The following DNAJC1 variants were observed in gnomAD, a reference collection of about 807,000 sequenced individuals.
DNAJC1 encodes the protein DnaJ heat shock protein family (Hsp40) member C1, also known as dnaJ homolog subfamily C member 1.
DNAJC1 carries 58 observed loss-of-function variants against 76.6 expected under a neutral mutation model. That is an observed-to-expected ratio of 0.76 (90% confidence interval 0.61 to 0.94). The LOEUF is 0.94. Ranked by LOEUF, DNAJC1 falls within the 40% of genes least tolerant of loss-of-function variation. The pLI is 0.00. For missense variants in DNAJC1, 689 were observed against 677.3 expected (o/e 1.02, Z -0.19); for synonymous variants, 258 against 267.9 (o/e 0.96, Z 0.36).
intron 1 of DNAJC1, among the ~76,000 whole-genome samples, chr10:21,943,731 C>G (rs1462019728): frequency 6.6e-6 from 1 of 152,112 alleles, no homozygotes; most frequent in African/African-American, 2.4e-5. Context: ...GAAAGTCAAC[C>G]CAGAGCATAG....
intron 1 of DNAJC1, among the ~76,000 whole-genome samples, chr10:21,980,995 T>C (rs575716223): frequency 2.0e-5 from 3 of 152,208 alleles, no homozygotes; most frequent in South Asian, 2.1e-4. Context: ...TTATAATACA[T>C]TGATGGAGAT....
chr10:21,905,844 C>T (rs972964485), intron 6 of DNAJC1, among the ~76,000 whole-genome samples: 1 of 152,068 alleles, frequency 6.6e-6, no homozygotes, highest in Non-Finnish European at 1.5e-5. Context: ...TCAAGAATAA[C>T]TCTAGGGTAA....
intron 1 of DNAJC1, among the ~76,000 whole-genome samples, chr10:21,977,771 A>G (rs1256207331): frequency 6.6e-6 from 1 of 152,182 alleles, no homozygotes; most frequent in African/African-American, 2.4e-5. Context: ...ATATTATTTT[A>G]AATCCCCACT....
chr10:21,942,231 T>C (rs949459296), intron 1 of DNAJC1, among the ~76,000 whole-genome samples: 1 of 152,066 alleles, frequency 6.6e-6, no homozygotes, highest in Admixed American at 6.5e-5. Flanking sequence ...AAGCAAGTAA[T>C]AGGACAAAGA....
chr10:21,904,400 G>A (rs1398915678), intron 7 of DNAJC1, 122 bp downstream of exon 7: 1 of 565,210 alleles, frequency 1.8e-6, no homozygotes, highest in Non-Finnish European at 2.9e-6. Flanking sequence ...ACTCCACTAG[G>A]GAGTGGGAAA....
chr10:21,803,095 AAT>A (rs1238094282), intron 9 of DNAJC1, among the ~76,000 whole-genome samples: 1 of 152,150 alleles, frequency 6.6e-6, no homozygotes, highest in Non-Finnish European at 1.5e-5. Flanking sequence ...TATGACAATT[AAT>A]ATACTTAATT....
chr10:21,911,771 G>T (rs1836868017), intron 6 of DNAJC1, among the ~76,000 whole-genome samples: 1 of 152,152 alleles, frequency 6.6e-6, no homozygotes, highest in Non-Finnish European at 1.5e-5. Context: ...TATGCATTCA[G>T]TAGAAACCAT....
Position 21,973,483 on chromosome 10 carries a change from T to C in DNAJC1, c.222+29730A>G, listed in dbSNP as rs550738602. Among the ~76,000 whole-genome samples the C allele has an allele frequency of 2.0e-5, 3 of 152,318 alleles. No homozygotes were observed. The East Asian group carries it at 5.8e-4, about 29-fold the overall frequency. The stretch of plus-strand genomic sequence containing the variant: ...GTGATCCTAGCAAAGGGATAAATAT[T>C]TCCTAGCACTTGGCTAGAACCCATC... On this transcript the variant is annotated intron_variant, in intron 1 of 11. Transcript: ENST00000376980.
At chr10:21,759,643 G>C in intron 10 of DNAJC1, 25 bp from the exon 11 acceptor site, 10 of 1,600,966 alleles carry the variant, frequency 6.2e-6, no homozygotes, top group South Asian at 5.6e-5. Context: ...GTGCCACACA[G>C]AGGTGAAGGG....
chr10:21,970,368 AT>A (rs908760468), intron 1 of DNAJC1, among the ~76,000 whole-genome samples: 1 of 152,224 alleles, frequency 6.6e-6, no homozygotes, highest in African/African-American at 2.4e-5. Context: ...AACAACAAAG[AT>A]TCCACATTTC....
intron 9 of DNAJC1, among the ~76,000 whole-genome samples, chr10:21,787,630 C>T (rs984012866): frequency 6.6e-6 from 1 of 152,218 alleles, no homozygotes; most frequent in African/African-American, 2.4e-5. Context: ...ATAGCCACAT[C>T]ATGAAAAGAA....
At chr10:21,864,615 C>CT (rs1835967343) in intron 8 of DNAJC1, among the ~76,000 whole-genome samples, 1 of 97,804 alleles carries the variant, frequency 1.0e-5, no homozygotes, top group Non-Finnish European at 2.0e-5. Flanking sequence ...GAGTGAGACT[C>CT]TGTCTAAAAA....
intron 6 of DNAJC1, among the ~76,000 whole-genome samples, chr10:21,913,516 T>A (rs1385893527): frequency 3.3e-5 from 5 of 152,094 alleles, no homozygotes; most frequent in Non-Finnish European, 7.4e-5. Flanking sequence ...GTTGCGAAAA[T>A]AAACTAAGTT....
chr10:21,852,400 G>A (rs1835770949), intron 8 of DNAJC1, among the ~76,000 whole-genome samples: 1 of 152,276 alleles, frequency 6.6e-6, no homozygotes, highest in African/African-American at 2.4e-5. Context: ...GACAGAGGTG[G>A]TGGTTGGACA....
At chr10:21,845,575 G>A (rs113114801) in intron 8 of DNAJC1, among the ~76,000 whole-genome samples, 2,515 of 152,100 alleles carry the variant, frequency 0.017, 66 homozygotes, top group African/African-American at 0.057. Context: ...GGCTGGTCTC[G>A]AAATCTTGAC....
intron 8 of DNAJC1, among the ~76,000 whole-genome samples, chr10:21,870,465 A>G (rs1423720926): frequency 6.6e-6 from 1 of 152,112 alleles, no homozygotes; most frequent in East Asian, 1.9e-4. Flanking sequence ...CATCATGAGT[A>G]AGATACACTC....
intron 7 of DNAJC1, among the ~76,000 whole-genome samples, chr10:21,890,377 C>T (rs1836442206): frequency 1.3e-5 from 2 of 148,532 alleles, no homozygotes; most frequent in South Asian, 4.2e-4. Flanking sequence ...CACGCCACTG[C>T]ACTCCAGCCT....
At chr10:21,878,126 G>A (rs982673748) in intron 8 of DNAJC1, among the ~76,000 whole-genome samples, 2 of 152,060 alleles carry the variant, frequency 1.3e-5, no homozygotes, top group Non-Finnish European at 2.9e-5. Flanking sequence ...TCTGGTTCTC[G>A]AGAACACTCC....
At position 21,993,043 on chromosome 10, in the gene DNAJC1, G is replaced by C. The variant is rs143052586; in HGVS notation, c.222+10170C>G. On this transcript the variant is annotated intron_variant, in intron 1 of 11. Coordinates refer to ENST00000376980, the MANE Select transcript of DNAJC1 (RefSeq NM_022365.4). Reference sequence around the variant, plus strand: ...TACGAGAGCTAAACAAGGATCTTTAGTATAGGAAACATTTTGATAAGAATC... The same window carrying C: ...TACGAGAGCTAAACAAGGATCTTTACTATAGGAAACATTTTGATAAGAATC... Among the ~76,000 whole-genome samples the C allele has an allele frequency of 8.8e-3, 1,339 of 152,118 alleles. 19 individuals are homozygous for C. The highest frequency in any genetic ancestry group is 0.031 in the African/African-American group (1,277 of 41,506).
Sources: allele counts gnomAD v4.1 joint callset (sites outside exome capture counted in the v4.1 genomes callset), GRCh38; gene constraint gnomAD v4.1.1; transcripts MANE v1.5; gene names NCBI Gene and HGNC (gene_info 2026-07-23, HGNC 2026-07-21).